Variants in SLC35E1 observed in about 807,000 individuals in gnomAD.
SLC35E1 encodes the protein solute carrier family 35 member E1.
SLC35E1 carries 12 observed loss-of-function variants against 31.0 expected under a neutral mutation model. The observed-to-expected ratio is 0.39, with a 90% CI of 0.25 to 0.63. The LOEUF is 0.63. SLC35E1 is among the 20% of genes least tolerant of loss of function. SLC35E1 has a pLI of 0.52. For missense variants in SLC35E1, 429 were observed against 572.2 expected, an observed-to-expected ratio of 0.75 and a Z score of 2.55; for synonymous variants, 257 against 264.1, an observed-to-expected ratio of 0.97 and a Z score of 0.26.
In SLC35E1 at chr19:16,551,697, A is replaced by G. The variant is rs1195320266; in HGVS notation, c.*1982T>C. On this transcript the variant is annotated 3_prime_UTR_variant, in exon 6 of 6. Transcript: ENST00000595753. The stretch of plus-strand genomic sequence containing the variant: ...CGGACCTGAGCACTCAGGGTTACCT[A>G]CTGGGGTCTTGTCATATTCCTTATG... The G allele has an allele frequency of 1.3e-5, 2 of 151,140 alleles. No homozygotes were observed. The highest frequency in any genetic ancestry group is 3.9e-4 in the East Asian group (2 of 5,110). The allele number at this position is 151,140 out of a possible 1,614,324, so 9.4% of individuals were successfully genotyped here. A position where few individuals can be genotyped will look rare whatever the true frequency, so the allele number is the denominator to read the frequency against.
rs552232039 is a variant in SLC35E1, at chr19:16,553,837, C to T, written c.1075G>A (p.Glu359Lys). 4.3e-6 allele frequency: 7 copies of T among 1,613,972 alleles called. No homozygotes were observed. The highest frequency in any genetic ancestry group is 2.2e-5 in the South Asian group (2 of 91,060). Residue 359 changes from glutamate (E) to lysine (K), a missense_variant, in exon 6 of 6, where the codon GAG becomes AAG. Transcript: ENST00000595753. ...TTCTCCAGTGGGCTCCGGTGACGCT[C>T]CTTGCTGCTCAGGTCTGCTGTGGTG... is the stretch of plus-strand genomic sequence containing the variant. Reference protein sequence around the residue: ...PVTTADLSSKERHRSPLEKPH... With the variant: ...PVTTADLSSKKRHRSPLEKPH...
intron 3 of SLC35E1, among the ~76,000 whole-genome samples, 157 bp downstream of exon 3, chr19:16,567,875 A>C (rs1360127906): frequency 6.6e-6 from 1 of 152,210 alleles, no homozygotes; most frequent in Middle Eastern, 3.2e-3. Context: ...CTATTTAAAA[A>C]GCAAAATGAC....
intron 4 of SLC35E1, chr19:16,556,782 G>C: frequency 2.2e-6 from 1 of 453,288 alleles, no homozygotes; most frequent in Non-Finnish European, 4.6e-6. Context: ...GGAGCTGCAG[G>C]ATGTCTACCT....
intron 3 of SLC35E1, 23 bp from the exon 4 acceptor site, chr19:16,566,680 G>T: frequency 6.2e-7 from 1 of 1,606,744 alleles, no homozygotes; most frequent in Non-Finnish European, 8.5e-7. Context: ...AGCCTCTTTA[G>T]AGGGTGATTA....
chr19:16,563,293 T>C (rs898325066), intron 4 of SLC35E1, among the ~76,000 whole-genome samples: 1 of 151,894 alleles, frequency 6.6e-6, no homozygotes, highest in African/African-American at 2.4e-5. Flanking sequence ...CATTGCATTC[T>C]AGCCTAGGAG....
rs1267161953 is a variant in SLC35E1 at position 16,551,686 on chromosome 19, C to T, written c.*1993G>A. The T allele has an allele frequency of 6.6e-6, 1 of 151,744 alleles. No individual in the cohort carries two copies. The highest frequency in any genetic ancestry group is 2.4e-5 in the African/African-American group (1 of 41,294). The allele number at this position is 151,744 out of a possible 1,614,324, so 9.4% of individuals were successfully genotyped here. On this transcript the variant is annotated 3_prime_UTR_variant, in exon 6 of 6. Coordinates refer to ENST00000595753, the MANE Select transcript of SLC35E1 (RefSeq NM_024881.5). ...AGACCACAGCTCGGACCTGAGCACT[C>T]AGGGTTACCTACTGGGGTCTTGTCA...
In SLC35E1 at chr19:16,555,575, C is replaced by A; in HGVS notation, c.757-178G>T. On this transcript the variant is annotated intron_variant, in intron 4 of 5. Transcript: ENST00000595753. This position sits in a 1 kb window ranked among gnomAD's most constrained non-coding sequence, Gnocchi z 4.1. ...GACACTAGGTGCTTTAGGTCCATGA[C>A]CTCAGAACCTCATGACACCACACAG... is the stretch of plus-strand genomic sequence containing the variant. The A allele has an allele frequency of 1.4e-6, 1 of 733,502 alleles. No homozygotes were observed. The highest frequency in any genetic ancestry group is 2.2e-6 in the Non-Finnish European group (1 of 461,430). 45.4% of individuals were successfully genotyped at this position (733,502 alleles called of 1,614,324 possible). A position where few individuals can be genotyped will look rare whatever the true frequency, so the allele number is the denominator to read the frequency against.
chr19:16,566,545 A>G lies in SLC35E1; in HGVS notation c.743T>C (p.Val248Ala), dbSNP rs375432387. 6.2e-7 allele frequency: 1 copy of G among 1,612,728 alleles called. No homozygotes were observed. The highest frequency in any genetic ancestry group is 8.5e-7 in the Non-Finnish European group (1 of 1,180,016). ...WVLVDLSAFL[V>A]SSDLTYVYQW... is the part of the protein sequence containing the mutation. ...TGTACAACTCACCAAGTCGCTGCTG[A>G]CCAGGAAAGCCGAGAGGTCCACCAG... Residue 248 changes from valine to alanine, a missense_variant, in exon 4 of 6, where the codon GTC (valine) becomes GCC (alanine). Transcript: ENST00000595753.
chr19:16,561,104 T>C (rs1213509648), intron 4 of SLC35E1, among the ~76,000 whole-genome samples: 1 of 142,376 alleles, frequency 7.0e-6, no homozygotes, highest in Non-Finnish European at 1.5e-5. Flanking sequence ...ATCCCAGCTA[T>C]ATGGGAGGCT....
chr19:16,563,826 G>C (rs2085918908), intron 4 of SLC35E1, among the ~76,000 whole-genome samples: 1 of 152,178 alleles, frequency 6.6e-6, no homozygotes, highest in Admixed American at 6.5e-5. Flanking sequence ...TTGCAATTGT[G>C]CTGTGAGAAT....
At position 16,571,862 on chromosome 19, in the gene SLC35E1, C is replaced by G. The variant is rs926212717; in HGVS notation, c.421+82G>C. 2.6e-5 allele frequency: 36 copies of G among 1,394,016 alleles called. 1 individual carries two copies. In the African/African-American group the frequency reaches 4.7e-4, roughly 18 times the overall value. 86.4% of individuals were successfully genotyped at this position (1,394,016 alleles called of 1,614,324 possible). On this transcript the variant is annotated intron_variant, in intron 1 of 5. Coordinates refer to ENST00000595753, the MANE Select transcript of SLC35E1 (RefSeq NM_024881.5). ...CTTCTCAGTCCGGCGGGACGCGCCC[C>G]GGGCGGCGCACTCCTATCCATGCGC... is the stretch of plus-strand genomic sequence containing the variant.
chr19:16,566,696 A>G lies in SLC35E1; in HGVS notation c.631-39T>C, dbSNP rs200753014. On this transcript the variant is annotated intron_variant, in intron 3 of 5. Transcript: ENST00000595753. The stretch of plus-strand genomic sequence containing the variant: ...GCCTCTTTAGAGGGTGATTAAAACT[A>G]TATGTGGCAAAAAGGGCTCCAGTGA... 37 of 1,589,692 alleles carry G rather than the reference A, an allele frequency of 2.3e-5. No homozygotes were observed. The Admixed American group carries it at 2.8e-4, about 12-fold the overall frequency.
chr19:16,555,631 G>A lies in SLC35E1; in HGVS notation c.757-234C>T, dbSNP rs1377082223. 2 of 534,830 alleles carry A rather than the reference G, an allele frequency of 3.7e-6. No individual in the cohort carries two copies. The highest frequency in any genetic ancestry group is 3.4e-5 in the East Asian group (1 of 29,358). The allele number at this position is 534,830 out of a possible 1,614,324, so 33.1% of individuals were successfully genotyped here. On this transcript the variant is annotated intron_variant, in intron 4 of 5. Coordinates refer to ENST00000595753, the MANE Select transcript of SLC35E1 (RefSeq NM_024881.5). This position sits in a 1 kb window ranked among gnomAD's most constrained non-coding sequence, Gnocchi z 4.1. Reference sequence around the variant, plus strand: ...GAATCACCCGCCGTCTCCTGCCAAGGAAACAGGTGAAGCCAGGTCCCCAAA... The same window carrying A: ...GAATCACCCGCCGTCTCCTGCCAAGAAAACAGGTGAAGCCAGGTCCCCAAA...
chr19:16,565,360 AC>A, intron 4 of SLC35E1: 1 of 328,704 alleles, frequency 3.0e-6, no homozygotes, highest in Non-Finnish European at 6.0e-6. Context: ...ACAGGCGTGC[AC>A]CACCACGCCT....
At chr19:16,569,478 C>T (rs1468935559) in intron 2 of SLC35E1, among the ~76,000 whole-genome samples, 1 of 152,188 alleles carries the variant, frequency 6.6e-6, no homozygotes, top group African/African-American at 2.4e-5. Context: ...AGAGAGCCTT[C>T]TAGAAGGTCT....
At chr19:16,564,821 A>G (rs545106721) in intron 4 of SLC35E1, among the ~76,000 whole-genome samples, 2 of 152,292 alleles carry the variant, frequency 1.3e-5, no homozygotes, top group African/African-American at 4.8e-5. Context: ...CTCGTACCAT[A>G]CTTCAAGGTA....
At position 16,568,031 on chromosome 19, in the gene SLC35E1, C is replaced by A. The variant is rs762986798; in HGVS notation, c.630+1G>T. 6.2e-7 allele frequency: 1 copy of A among 1,608,872 alleles called. No homozygotes were observed. The highest frequency in any genetic ancestry group is 1.7e-5 in the Admixed American group (1 of 59,530). On this transcript the variant is annotated splice_donor_variant, in intron 3 of 5. Coordinates refer to ENST00000595753, the MANE Select transcript of SLC35E1 (RefSeq NM_024881.5). LOFTEE classifies it high-confidence loss of function. ...CATGTCCGCTGATGGTGACCAAATA[C>A]CTTTTTGGAGAAAATGTTCTGAAGC... is the stretch of plus-strand genomic sequence containing the variant.
chr19:16,566,278 G>A (rs887863479), intron 4 of SLC35E1: 13 of 444,000 alleles, frequency 2.9e-5, no homozygotes, highest in African/African-American at 8.0e-5. Flanking sequence ...CTTCCTTGAC[G>A]CTACTGGCGC....
chr19:16,566,366 G>A (rs1220191592), intron 4 of SLC35E1, 166 bp downstream of exon 4: 42 of 848,456 alleles, frequency 5.0e-5, no homozygotes, highest in Middle Eastern at 3.7e-4. Context: ...CCTCGATGGC[G>A]TGCATCGTCA....
Sources: allele counts gnomAD v4.1 joint callset (sites outside exome capture counted in the v4.1 genomes callset), GRCh38; gene constraint gnomAD v4.1.1; non-coding constraint Gnocchi (gnomAD v3.1); transcripts MANE v1.5; gene names NCBI Gene and HGNC (gene_info 2026-07-23, HGNC 2026-07-21).